The following MAGEB3 variants were observed in gnomAD, a reference collection of about 807,000 sequenced individuals.
MAGEB3 encodes melanoma-associated antigen B3.
For synonymous variants in MAGEB3, 91 were observed against 93.0 expected, an observed-to-expected ratio of 0.98 and a Z score of 0.12; for missense variants, 191 against 262.4, an observed-to-expected ratio of 0.73 and a Z score of 1.88.
intron 4 of MAGEB3, 21 bp from the exon 5 acceptor site, chrX:30,235,843 C>G: frequency 1.3e-6 from 1 of 748,192 alleles, no homozygotes. Flanking sequence ...CTCATACCCT[C>G]TCTTTCTCTC....
chrX:30,233,981 A>T (rs1303715997), intron 4 of MAGEB3, among the ~76,000 whole-genome samples: 1 of 112,320 alleles, frequency 8.9e-6, no homozygotes, highest in African/African-American at 3.2e-5. Context: ...AAAGGATGGG[A>T]TCTGTTCCCA....
Position 30,236,623 on chromosome X carries a change from T to C in MAGEB3, c.699T>C (p.Tyr233=). Residue 233 remains tyrosine (Y), a synonymous_variant, in exon 5 of 5, where the codon TAT becomes TAC. Coordinates refer to ENST00000361644, the MANE Select transcript of MAGEB3 (RefSeq NM_002365.5). ...AATTCCTGAATAAGATGAGAATATA[T>C]GATGGGAAGAAACACTTCATATTTG... ...IWEFLNKMRI[Y]DGKKHFIFGE... is the part of the protein sequence containing the mutation. The C allele has an allele frequency of 8.3e-7, 1 of 1,211,027 alleles. No homozygotes were observed.
At chrX:30,231,337 C>A (rs1924775368) in intron 1 of MAGEB3, among the ~76,000 whole-genome samples, 180 bp from the exon 2 acceptor site, 1 of 104,066 alleles carries the variant, frequency 9.6e-6, no homozygotes, top group Admixed American at 1.0e-4. Flanking sequence ...GGGCGTGGTG[C>A]GGCGCACGTG....
chrX:30,236,987 A>G lies in MAGEB3; in HGVS notation c.*22A>G, dbSNP rs1925001529. 3 of 1,154,012 alleles carry G rather than the reference A, an allele frequency of 2.6e-6. No individual in the cohort carries two copies. The African/African-American group carries it at 5.3e-5, about 20-fold the overall frequency. On this transcript the variant is annotated 3_prime_UTR_variant, in exon 5 of 5. Coordinates refer to ENST00000361644, the MANE Select transcript of MAGEB3 (RefSeq NM_002365.5). ...CTAGTGAAGTTGAAGCAAATTTTGC[A>G]TTTTGTGGTTAAAGAGGGCAGTCAC...
intron 2 of MAGEB3, among the ~76,000 whole-genome samples, chrX:30,232,080 G>T: frequency 8.9e-6 from 1 of 112,289 alleles, no homozygotes; most frequent in Non-Finnish European, 1.9e-5. Context: ...TGGCCTGACG[G>T]GTGCAATAGC....
chrX:30,237,449 A>C lies in MAGEB3; in HGVS notation c.*484A>C, dbSNP rs1228126489. On this transcript the variant is annotated 3_prime_UTR_variant, in exon 5 of 5. Transcript: ENST00000361644. ...ATAACCATATATGTCTGGCTTACTT[A>C]AGAATGTAGAATTAAATCATAATAA... is the stretch of plus-strand genomic sequence containing the variant. The C allele has an allele frequency of 8.0e-6, 1 of 124,471 alleles. No individual in the cohort carries two copies. Among genetic ancestry groups the C allele is most frequent in the Non-Finnish European group, 1.8e-5 (1 of 54,210 alleles). The allele number at this position is 124,471 out of a possible 1,213,427, so 10.3% of individuals were successfully genotyped here. A position where few individuals can be genotyped will look rare whatever the true frequency, so the allele number is the denominator to read the frequency against.
At position 30,235,846 on chromosome X, in the gene MAGEB3, T is replaced by C. The variant is rs1924960073; in HGVS notation, c.-61-18T>C. 1 of 780,326 alleles carries C rather than the reference T, an allele frequency of 1.3e-6. No individual in the cohort carries two copies. The highest frequency in any genetic ancestry group is 2.1e-5 in the African/African-American group (1 of 47,277). The allele number at this position is 780,326 out of a possible 1,213,427, so 64.3% of individuals were successfully genotyped here. On this transcript the variant is annotated intron_variant, in intron 4 of 4. Transcript: ENST00000361644. ...CTGCTGAAGGCACTCATACCCTCTCTTTCTCTCTCTCCTCCAGGTGCCTGT... is the reference window on the plus strand; with the variant it reads ...CTGCTGAAGGCACTCATACCCTCTCCTTCTCTCTCTCCTCCAGGTGCCTGT...
Position 30,235,934 on chromosome X carries a change from G to T in MAGEB3, c.10G>T (p.Gly4Cys). The change falls in exon 5 of 5, where the codon GGT becomes TGT. Residue 4 changes from glycine (G) to cysteine (C), a missense_variant. Coordinates refer to ENST00000361644, the MANE Select transcript of MAGEB3 (RefSeq NM_002365.5). MPR[G>C]QKSTLHAREK... The stretch of plus-strand genomic sequence containing the variant: ...CCTGACTACAGCCATCATGCCTCGG[G>T]GTCAGAAGAGTACGCTCCATGCACG... 8.3e-7 allele frequency: 1 copy of T among 1,200,287 alleles called. No homozygotes were observed. Among genetic ancestry groups the T allele is most frequent in the Non-Finnish European group, 1.1e-6 (1 of 889,883 alleles).
chrX:30,231,695 AAAAAAAAG>A (rs1924795833), intron 2 of MAGEB3, 77 bp downstream of exon 2: 1 of 97,949 alleles, frequency 1.0e-5, no homozygotes, highest in African/African-American at 3.8e-5. Flanking sequence ...AAAAAAAAAA[AAAAAAAAG>A]AAAGAAAGAA....
At chrX:30,231,890 T>G (rs1924806801) in intron 2 of MAGEB3, among the ~76,000 whole-genome samples, 1 of 108,723 alleles carries the variant, frequency 9.2e-6, no homozygotes, top group Non-Finnish European at 1.9e-5. Flanking sequence ...TTGGCGGACT[T>G]CGCTCAGTAG....
chrX:30,232,439 G>T (rs1924829199), intron 2 of MAGEB3, among the ~76,000 whole-genome samples: 1 of 89,305 alleles, frequency 1.1e-5, no homozygotes, highest in Admixed American at 1.2e-4. Flanking sequence ...GGACAACATG[G>T]CGAAAACCTG....
rs1418864070 is a variant in MAGEB3 at position 30,236,489 on chromosome X, A to G, written c.565A>G (p.Asn189Asp). Reference protein sequence around the residue: ...VLVSKMDLPNNGTVTRGRGFP... With the variant: ...VLVSKMDLPNDGTVTRGRGFP... ...TGTCAGCAAAATGGATCTCCCCAAC[A>G]ATGGGACAGTGACTCGTGGGAGGGG... The change falls in exon 5 of 5, where the codon AAT becomes GAT. Residue 189 changes from asparagine to aspartate, a missense_variant. Physicochemically the swap from Asn to Asp is conservative, Grantham distance 23 (BLOSUM62 1). Transcript: ENST00000361644. 1 of 1,211,644 alleles carries G rather than the reference A, an allele frequency of 8.3e-7. No homozygotes were observed. The highest frequency in any genetic ancestry group is 1.8e-5 in the South Asian group (1 of 56,919).
chrX:30,235,555 T>C (rs1404994674), intron 4 of MAGEB3, among the ~76,000 whole-genome samples: 1 of 111,222 alleles, frequency 9.0e-6, no homozygotes, highest in Non-Finnish European at 1.9e-5. Flanking sequence ...TGACAGTTTT[T>C]ATGATGGTCC....
rs771192209 is a variant in MAGEB3 at position 30,236,301 on chromosome X, A to G, written c.377A>G (p.Tyr126Cys). The change falls in exon 5 of 5, where the codon TAC becomes TGC. Residue 126 changes from tyrosine to cysteine, a missense_variant. Tyr to Cys is a radical substitution (Grantham distance 194, BLOSUM62 -2). Coordinates refer to ENST00000361644, the MANE Select transcript of MAGEB3 (RefSeq NM_002365.5). ...TTGGTGCAGTTCCTGATGGAAATGT[A>G]CAAGATGAAAAAGCCCATTATGAAA... is the stretch of plus-strand genomic sequence containing the variant. ...NMLVQFLMEM[Y>C]KMKKPIMKAD... is the part of the protein sequence containing the mutation. The G allele has an allele frequency of 1.7e-6, 2 of 1,208,565 alleles. No individual in the cohort carries two copies. The highest frequency in any genetic ancestry group is 1.8e-5 in the South Asian group (1 of 55,842).
In MAGEB3 at chrX:30,235,895, T is replaced by C; in HGVS notation, c.-30T>C. The C allele has an allele frequency of 8.8e-7, 1 of 1,138,601 alleles. No homozygotes were observed. The highest frequency in any genetic ancestry group is 1.2e-6 in the Non-Finnish European group (1 of 844,991). The allele number at this position is 1,138,601 out of a possible 1,213,427, so 93.8% of individuals were successfully genotyped here. A position where few individuals can be genotyped will look rare whatever the true frequency, so the allele number is the denominator to read the frequency against. On this transcript the variant is annotated 5_prime_UTR_variant, in exon 5 of 5. Transcript: ENST00000361644. The stretch of plus-strand genomic sequence containing the variant: ...GTATCACCTGCCCTTCTGCTGACAC[T>C]CCTGCCTGCTGTTCCTGACTACAGC...
In MAGEB3 at chrX:30,236,899, T is replaced by C. The variant is rs1569254793; in HGVS notation, c.975T>C (p.Asn325=). The part of the protein sequence containing the change: ...EERVQAAAML[N]DGSSAMGRKC... The stretch of plus-strand genomic sequence containing the variant: ...GAGTCCAAGCTGCAGCTATGCTCAA[T>C]GATGGCAGTAGTGCCATGGGCAGAA... The change falls in exon 5 of 5, where the codon AAT becomes AAC. Residue 325 remains asparagine, a synonymous_variant. Transcript: ENST00000361644. 2.5e-6 allele frequency: 3 copies of C among 1,211,209 alleles called. No homozygotes were observed. The African/African-American group carries it at 5.2e-5, about 21-fold the overall frequency.
At position 30,232,887 on chromosome X, in the gene MAGEB3, G is replaced by C. The variant is rs932714296; in HGVS notation, c.-193G>C. On this transcript the variant is annotated 5_prime_UTR_variant, in exon 3 of 5. Coordinates refer to ENST00000361644, the MANE Select transcript of MAGEB3 (RefSeq NM_002365.5). ...TTGGGCGGAGGAAGCCAGCCTCATCGCTTAAGCACAGGAGTTCGCGGACTG... is the reference window on the plus strand; with the variant it reads ...TTGGGCGGAGGAAGCCAGCCTCATCCCTTAAGCACAGGAGTTCGCGGACTG... 4.6e-5 allele frequency: 5 copies of C among 109,223 alleles called. No individual in the cohort carries two copies. The highest frequency in any genetic ancestry group is 1.7e-4 in the African/African-American group (5 of 29,917). 9.0% of individuals were successfully genotyped at this position (109,223 alleles called of 1,213,427 possible). A position where few individuals can be genotyped will look rare whatever the true frequency, so the allele number is the denominator to read the frequency against.
In MAGEB3 at chrX:30,237,240, G is replaced by A. The variant is rs775329509; in HGVS notation, c.*275G>A. The A allele has an allele frequency of 6.7e-5, 18 of 269,536 alleles. No homozygotes were observed. Among genetic ancestry groups the A allele is most frequent in the Non-Finnish European group, 1.2e-4 (17 of 147,484 alleles). The allele number at this position is 269,536 out of a possible 1,213,427, so 22.2% of individuals were successfully genotyped here. Reference sequence around the variant, plus strand: ...TTGTAAAACAGATTGAGAAAAATTCGATCTTATTTAGTGATCTGTTGCAAG... The same window carrying A: ...TTGTAAAACAGATTGAGAAAAATTCAATCTTATTTAGTGATCTGTTGCAAG... On this transcript the variant is annotated 3_prime_UTR_variant, in exon 5 of 5. Transcript: ENST00000361644.
intron 2 of MAGEB3, 41 bp downstream of exon 2, chrX:30,231,659 A>G (rs1268668952): frequency 1.3e-5 from 1 of 79,278 alleles, no homozygotes; most frequent in Non-Finnish European, 2.4e-5. Context: ...CCTGGAAGAC[A>G]GAGAGAGCCC....
Sources: gnomAD v4.1 joint callset for allele counts (sites outside exome capture counted in the v4.1 genomes callset) on GRCh38, gnomAD v4.1.1 for gene constraint, MANE v1.5 for transcripts, NCBI Gene and HGNC (gene_info 2026-07-23, HGNC 2026-07-21) for gene names.